The following HEATR3 variants were observed in gnomAD, a reference collection of about 807,000 sequenced individuals.
HEATR3 encodes the protein HEAT repeat-containing protein 3.
HEATR3 carries 56 observed loss-of-function variants against 72.8 expected under a neutral mutation model. That is an observed-to-expected ratio of 0.77 (90% CI 0.62 to 0.96). HEATR3 has a LOEUF of 0.96. Among genes scored for constraint, HEATR3 ranks in the 40% least tolerant of loss-of-function variants. The pLI is 0.00. For synonymous variants in HEATR3, 331 were observed against 318.1 expected (o/e 1.04, Z -0.43); for missense variants, 747 against 831.4 (o/e 0.90, Z 1.25).
intron 11 of HEATR3, among the ~76,000 whole-genome samples, chr16:50,094,468 G>A (rs2037186550): frequency 6.6e-6 from 1 of 152,206 alleles, no homozygotes; most frequent in Non-Finnish European, 1.5e-5. Flanking sequence ...ACTGTCTGTA[G>A]AACACCTCCT....
rs2150591759 is a variant in HEATR3 at position 50,066,115 on chromosome 16, G to T, written c.-17G>T. On this transcript the variant is annotated 5_prime_UTR_variant, in exon 1 of 15. Coordinates refer to ENST00000299192, the MANE Select transcript of HEATR3 (RefSeq NM_182922.4). ...GCCCTCCTCTCTCGGTGGTCTGTCC[G>T]CCCAGCGCACGTCACCATGGGCAAG... The T allele has an allele frequency of 1.3e-6, 2 of 1,549,568 alleles. No individual in the cohort carries two copies. The highest frequency in any genetic ancestry group is 1.5e-5 in the African/African-American group (1 of 66,268).
intron 12 of HEATR3, among the ~76,000 whole-genome samples, chr16:50,095,710 G>A (rs1267066432): frequency 1.1e-4 from 16 of 151,978 alleles, no homozygotes; most frequent in Non-Finnish European, 2.4e-4. Flanking sequence ...AACCCTATGA[G>A]CCTGCATGCA....
At chr16:50,099,732 C>CCG (rs1318063244) in intron 12 of HEATR3, among the ~76,000 whole-genome samples, 1 of 152,202 alleles carries the variant, frequency 6.6e-6, no homozygotes, top group Non-Finnish European at 1.5e-5. Flanking sequence ...GCGTGAGCCA[C>CCG]CGCGCCCAGC....
intron 7 of HEATR3, among the ~76,000 whole-genome samples, chr16:50,080,956 G>A (rs1344499587): frequency 6.6e-6 from 1 of 152,206 alleles, no homozygotes; most frequent in African/African-American, 2.4e-5. Context: ...CCCACCTCCA[G>A]CCTTGCTTCC....
chr16:50,105,114 A>G lies in HEATR3; in HGVS notation c.*53A>G. On this transcript the variant is annotated 3_prime_UTR_variant, in exon 15 of 15. Coordinates refer to ENST00000299192, the MANE Select transcript of HEATR3 (RefSeq NM_182922.4). The stretch of plus-strand genomic sequence containing the variant: ...CCCCAAAGTATTCAATGCTTAGAAT[A>G]CTAAAAGGTTTTCTTTGAATGTATA... 6.5e-6 allele frequency: 10 copies of G among 1,546,496 alleles called. No homozygotes were observed. Among genetic ancestry groups the G allele is most frequent in the Non-Finnish European group, 8.8e-6 (10 of 1,132,900 alleles).
chr16:50,094,037 A>G (rs1436374520), intron 11 of HEATR3, among the ~76,000 whole-genome samples: 2 of 152,170 alleles, frequency 1.3e-5, no homozygotes, highest in African/African-American at 4.8e-5. Context: ...AATACAGTCT[A>G]CCACACCAAG....
intron 7 of HEATR3, among the ~76,000 whole-genome samples, chr16:50,081,916 C>T (rs2036875938): frequency 6.6e-6 from 1 of 152,140 alleles, no homozygotes; most frequent in South Asian, 2.1e-4. Context: ...TATTTTGAAG[C>T]AAATCTCAGA....
rs541096014 is a variant in HEATR3, at chr16:50,082,862, C to T, written c.1042-1075C>T. On this transcript the variant is annotated intron_variant, in intron 7 of 14. Coordinates refer to ENST00000299192, the MANE Select transcript of HEATR3 (RefSeq NM_182922.4). ...CTGTTGCACAGTGGTACAATCTCGG[C>T]TCACTGCAACCTCTGCCTCCTGGGT... Among the ~76,000 whole-genome samples the T allele has an allele frequency of 5.3e-5, 8 of 151,446 alleles. No homozygotes were observed. In the East Asian group the frequency reaches 5.8e-4, roughly 11 times the overall value.
chr16:50,070,493 A>C (rs2036588205), intron 4 of HEATR3, among the ~76,000 whole-genome samples: 2 of 152,110 alleles, frequency 1.3e-5, no homozygotes, highest in African/African-American at 4.8e-5. Context: ...TGAGGTCGGG[A>C]GTTTGAGACC....
At chr16:50,070,397 G>A (rs1349245850) in intron 4 of HEATR3, 107 bp downstream of exon 4, 4 of 476,318 alleles carry the variant, frequency 8.4e-6, no homozygotes, top group Non-Finnish European at 1.5e-5. Context: ...CTGTTAATCT[G>A]GGATGTTAAG....
intron 7 of HEATR3, chr16:50,080,172 T>C (rs1046663515): frequency 6.6e-6 from 1 of 152,160 alleles, no homozygotes; most frequent in Admixed American, 6.5e-5. Flanking sequence ...TGCTTACCTG[T>C]GTTCGTGATG....
chr16:50,104,273 C>T (rs569812519), intron 14 of HEATR3, among the ~76,000 whole-genome samples: 7 of 152,194 alleles, frequency 4.6e-5, no homozygotes, highest in African/African-American at 9.6e-5. Context: ...GGATCACTTG[C>T]GTCCGGGAGG....
chr16:50,084,077 A>T, intron 8 of HEATR3, 50 bp downstream of exon 8: 1 of 1,612,808 alleles, frequency 6.2e-7, no homozygotes, highest in Non-Finnish European at 8.5e-7. Flanking sequence ...CAAGAGGGAA[A>T]CTCCCGTGGA....
At chr16:50,070,332 C>T in intron 4 of HEATR3, 42 bp downstream of exon 4, 3 of 981,556 alleles carry the variant, frequency 3.1e-6, no homozygotes, top group Non-Finnish European at 3.2e-6. Flanking sequence ...ATAGCAGTAC[C>T]CAGGCTGCTA....
chr16:50,104,863 C>A, intron 14 of HEATR3, 76 bp from the exon 15 acceptor site: 2 of 1,336,096 alleles, frequency 1.5e-6, no homozygotes, highest in Non-Finnish European at 1.0e-6. Flanking sequence ...TAAATACACC[C>A]TAAATTAAAT....
chr16:50,104,603 A>G (rs891392073), intron 14 of HEATR3, among the ~76,000 whole-genome samples: 1 of 152,218 alleles, frequency 6.6e-6, no homozygotes, highest in Non-Finnish European at 1.5e-5. Flanking sequence ...ATAGCAATGC[A>G]TACTAACTAG....
Position 50,105,193 on chromosome 16 carries a change from T to TC in HEATR3, c.*133dup. Reference sequence around the variant, plus strand: ...ACATTCTGTACATTCTGTAAAAACTTCAAAACCTGGCCAGGCATGGTGGCT... The same window carrying TC: ...ACATTCTGTACATTCTGTAAAAACTTCCAAAACCTGGCCAGGCATGGTGGCT... On this transcript the variant is annotated 3_prime_UTR_variant, in exon 15 of 15. Coordinates refer to ENST00000299192, the MANE Select transcript of HEATR3 (RefSeq NM_182922.4). 9.6e-7 allele frequency: 1 copy of TC among 1,044,392 alleles called. No homozygotes were observed. The highest frequency in any genetic ancestry group is 1.4e-6 in the Non-Finnish European group (1 of 725,844). 64.7% of individuals were successfully genotyped at this position (1,044,392 alleles called of 1,614,324 possible). A position where few individuals can be genotyped will look rare whatever the true frequency, so the allele number is the denominator to read the frequency against.
At chr16:50,066,568 C>G in intron 2 of HEATR3, 29 bp downstream of exon 2, 1 of 1,269,898 alleles carries the variant, frequency 7.9e-7, no homozygotes, top group Non-Finnish European at 9.9e-7. Flanking sequence ...GGGGCGGTGC[C>G]CACCGCTGGC....
chr16:50,066,034 C>G lies in HEATR3; in HGVS notation c.-98C>G. 7.4e-7 allele frequency: 1 copy of G among 1,360,194 alleles called. No individual in the cohort carries two copies. Among genetic ancestry groups the G allele is most frequent in the Non-Finnish European group, 1.0e-6 (1 of 1,003,370 alleles). 84.3% of individuals were successfully genotyped at this position (1,360,194 alleles called of 1,614,324 possible). A position where few individuals can be genotyped will look rare whatever the true frequency, so the allele number is the denominator to read the frequency against. ...GTGCTGCAGCCGTCAGCCGGCCCAG[C>G]TGAGCAGCAGCAACGGACCTTGTTA... On this transcript the variant is annotated 5_prime_UTR_variant, in exon 1 of 15. Transcript: ENST00000299192.
Sources: allele counts gnomAD v4.1 joint callset (sites outside exome capture counted in the v4.1 genomes callset), GRCh38; gene constraint gnomAD v4.1.1; transcripts MANE v1.5; gene names NCBI Gene and HGNC (gene_info 2026-07-23, HGNC 2026-07-21).